The following SMN1 variants were observed in gnomAD, a reference collection of about 807,000 sequenced individuals.
SMN1 encodes survival motor neuron protein.
For synonymous variants in SMN1, 3 were observed against 5.1 expected, an observed-to-expected ratio of 0.58 and a Z score of 0.56; for missense variants, 15 against 17.1, an observed-to-expected ratio of 0.88 and a Z score of 0.22.
downstream of SMN1, among the ~76,000 whole-genome samples, chr5:70,955,188 C>G (rs1281653372): frequency 6.9e-6 from 1 of 145,962 alleles, no homozygotes; most frequent in Non-Finnish European, 1.5e-5. Context: ...GCACTTCAGC[C>G]TGGGCAACAG....
the SMN1 span, among the ~76,000 whole-genome samples, chr5:70,959,378 C>A: frequency 1.4e-5 from 2 of 146,788 alleles, no homozygotes; most frequent in East Asian, 2.0e-4. Flanking sequence ...GCACATTGTG[C>A]ACATGTACCC....
intron 7 of SMN1, 64 bp from the exon 8 acceptor site, chr5:70,951,877 A>G (rs1443187340): frequency 3.6e-6 from 5 of 1,392,488 alleles, no homozygotes; most frequent in Non-Finnish European, 5.1e-6. Flanking sequence ...ATATAAAGCT[A>G]TCTATATATA....
At chr5:70,945,597 G>GTA (rs1197783573) in intron 6 of SMN1, among the ~76,000 whole-genome samples, 1 of 110,972 alleles carries the variant, frequency 9.0e-6, no homozygotes, top group Non-Finnish European at 1.8e-5. Flanking sequence ...GTGTGTGTGT[G>GTA]TGTATTAAGG....
In SMN1 at chr5:70,951,938, C is replaced by T. The variant is rs772466166; in HGVS notation, c.835-3C>T. ...TTTTTAACTTCCTTTATTTTCCTTA[C>T]AGGGTTTCAGACAAAATCAAAAAGA... On this transcript the variant is annotated splice_region_variant and splice_polypyrimidine_tract_variant and intron_variant, in intron 7 of 8. Coordinates refer to ENST00000380707, the MANE Select transcript of SMN1 (RefSeq NM_000344.4). 1.1e-5 allele frequency: 17 copies of T among 1,612,438 alleles called. No homozygotes were observed. The highest frequency in any genetic ancestry group is 1.4e-5 in the Non-Finnish European group (17 of 1,178,978).
At chr5:70,958,886 C>T (rs1385269932), downstream of SMN1, among the ~76,000 whole-genome samples, 1 of 150,092 alleles carries the variant, frequency 6.7e-6, no homozygotes, top group Non-Finnish European at 1.5e-5. Context: ...TACCATTTGA[C>T]CCAGCCATCC....
the SMN1 span, among the ~76,000 whole-genome samples, chr5:70,959,260 G>C: frequency 6.7e-6 from 1 of 149,584 alleles, no homozygotes; most frequent in Non-Finnish European, 1.5e-5. Flanking sequence ...CTGTTGTGGG[G>C]TGGGGGGAAT....
At chr5:70,943,441 A>G (rs1368423258) in intron 5 of SMN1, among the ~76,000 whole-genome samples, 6 of 2,308 alleles carry the variant, frequency 2.6e-3, no homozygotes, top group Admixed American at 7.5e-3. Context: ...ATGAGACTCC[A>G]TCTCAAACAA....
At chr5:70,954,747 G>GA (rs1749854879), downstream of SMN1, among the ~76,000 whole-genome samples, 1 of 51,228 alleles carries the variant, frequency 2.0e-5, no homozygotes, top group Non-Finnish European at 4.7e-5. Flanking sequence ...CAGCTACTTG[G>GA]GAGGCTGAGG....
rs1310028323 is a variant in SMN1, at chr5:70,952,644, CTATT to C, written c.*211_*214del. 5.9e-6 allele frequency: 1 copy of C among 168,368 alleles called. No individual in the cohort carries two copies. Among genetic ancestry groups the C allele is most frequent in the African/African-American group, 2.6e-5 (1 of 38,768 alleles). The allele number at this position is 168,368 out of a possible 1,614,324, so 10.4% of individuals were successfully genotyped here. A position where few individuals can be genotyped will look rare whatever the true frequency, so the allele number is the denominator to read the frequency against. On this transcript the variant is annotated 3_prime_UTR_variant, in exon 9 of 9. Transcript: ENST00000380707. ...GCAATGTGAAATATTTTACTGGACT[CTATT>C]TTGAAAAACCATCTGTAAAAGACTG...
downstream of SMN1, among the ~76,000 whole-genome samples, chr5:70,957,436 T>C: frequency 6.9e-6 from 1 of 144,954 alleles, no homozygotes; most frequent in Non-Finnish European, 1.5e-5. Context: ...CCATTCAGTA[T>C]GATATTGGCT....
rs1749768312 is a variant in SMN1 at position 70,951,922 on chromosome 5, T to A, written c.835-19T>A. On this transcript the variant is annotated intron_variant, in intron 7 of 8. Coordinates refer to ENST00000380707, the MANE Select transcript of SMN1 (RefSeq NM_000344.4). Reference sequence around the variant, plus strand: ...GTCTATATAGCTATTTTTTTTAACTTCCTTTATTTTCCTTACAGGGTTTCA... The same window carrying A: ...GTCTATATAGCTATTTTTTTTAACTACCTTTATTTTCCTTACAGGGTTTCA... 6.2e-7 allele frequency: 1 copy of A among 1,610,622 alleles called. No homozygotes were observed. Among genetic ancestry groups the A allele is most frequent in the Non-Finnish European group, 8.5e-7 (1 of 1,177,256 alleles).
At chr5:70,956,678 T>TCTGTTTTGGTACCAGTACCATG (rs1561505207), downstream of SMN1, among the ~76,000 whole-genome samples, 1 of 150,480 alleles carries the variant, frequency 6.6e-6, no homozygotes, top group African/African-American at 2.4e-5. Flanking sequence ...GGTCTATATC[T>TCTGTTTTGGTACCAGTACCATG]CTGTTTTGGT....
chr5:70,955,107 A>G, downstream of SMN1, among the ~76,000 whole-genome samples: 1 of 143,768 alleles, frequency 7.0e-6, no homozygotes, highest in East Asian at 2.1e-4. Context: ...CAGCTACTGG[A>G]GAGGCTGAGG....
the SMN1 span, among the ~76,000 whole-genome samples, chr5:70,960,107 G>T: frequency 6.7e-6 from 1 of 150,166 alleles, no homozygotes; most frequent in Non-Finnish European, 1.5e-5. Flanking sequence ...TCTCATATTT[G>T]TACATTTTTA....
intron 5 of SMN1, among the ~76,000 whole-genome samples, chr5:70,943,675 T>C (rs1194514762): frequency 7.5e-4 from 72 of 96,016 alleles, no homozygotes; most frequent in African/African-American, 2.3e-3. Context: ...AGAAATCAAC[T>C]CTAAAAAGAT....
intron 7 of SMN1, among the ~76,000 whole-genome samples, chr5:70,951,426 A>C (rs1387538228): frequency 6.6e-6 from 1 of 151,872 alleles, no homozygotes; most frequent in African/African-American, 2.4e-5. Flanking sequence ...GGTCCCCACC[A>C]CCATGCCTGG....
chr5:70,960,897 A>G, the SMN1 span, among the ~76,000 whole-genome samples: 13 of 146,782 alleles, frequency 8.9e-5, no homozygotes, highest in African/African-American at 3.2e-4. Flanking sequence ...GGGTTTTACC[A>G]TGTTGGGTAG....
downstream of SMN1, among the ~76,000 whole-genome samples, chr5:70,955,372 C>CT (rs1374119176): frequency 1.4e-5 from 2 of 144,556 alleles, no homozygotes; most frequent in Non-Finnish European, 3.0e-5. Flanking sequence ...TCCCAAAGTG[C>CT]TAGGATTACA....
downstream of SMN1, among the ~76,000 whole-genome samples, chr5:70,958,617 A>C (rs1258876632): frequency 2.8e-5 from 3 of 105,874 alleles, no homozygotes; most frequent in East Asian, 8.2e-4. Flanking sequence ...CATGTAGTTG[A>C]GTGGTTTTGA....
Sources: gnomAD v4.1 joint callset for allele counts (sites outside exome capture counted in the v4.1 genomes callset) on GRCh38, gnomAD v4.1.1 for gene constraint, MANE v1.5 for transcripts, NCBI Gene and HGNC (gene_info 2026-07-23, HGNC 2026-07-21) for gene names.